Variants in SNX7 observed in about 807,000 individuals in gnomAD.
SNX7 encodes the protein sorting nexin 7.
In SNX7, 35 loss-of-function variants were observed where a neutral mutation model predicts 48.4. The observed-to-expected ratio is 0.72, with a 90% CI of 0.55 to 0.96. The LOEUF is 0.96. Among genes scored for constraint, SNX7 ranks in the 40% least tolerant of loss-of-function variants. The pLI is 0.00. For missense variants in SNX7, 553 were observed against 548.9 expected, an observed-to-expected ratio of 1.01 and a Z score of -0.07; for synonymous variants, 190 against 190.2, an observed-to-expected ratio of 1.00 and a Z score of 0.01.
At chr1:98,717,183 GATA>G (rs1041912174) in intron 7 of SNX7, among the ~76,000 whole-genome samples, 1 of 152,040 alleles carries the variant, frequency 6.6e-6, no homozygotes, top group Non-Finnish European at 1.5e-5. Flanking sequence ...ACTAATTGAT[GATA>G]ATAATAATAA....
At chr1:98,662,754 G>T (rs530436054) in intron 1 of SNX7, 1 of 1,289,390 alleles carries the variant, frequency 7.8e-7, no homozygotes, top group Admixed American at 2.3e-5. Context: ...CCTGAGTTCA[G>T]ATCACAACGC....
chr1:98,670,365 A>G (rs1190311651), intron 1 of SNX7, among the ~76,000 whole-genome samples: 1 of 152,216 alleles, frequency 6.6e-6, no homozygotes, highest in East Asian at 1.9e-4. Flanking sequence ...CAACTCTGGC[A>G]GGAAAGAAGT....
At chr1:98,702,874 T>C (rs536412760) in intron 7 of SNX7, among the ~76,000 whole-genome samples, 41 of 152,124 alleles carry the variant, frequency 2.7e-4, no homozygotes, top group Non-Finnish European at 4.9e-4. Flanking sequence ...GAATACAATA[T>C]TGAGTGCACT....
In SNX7 at chr1:98,721,642, T is replaced by C. The variant is rs925762632; in HGVS notation, c.1126-16595T>C. ...ACTAAATGAGATAATATATGAGATA[T>C]TGTTTAGTTAAGTAGTGAGTAAAAT... On this transcript the variant is annotated intron_variant, in intron 7 of 8. Transcript: ENST00000306121. Among the ~76,000 whole-genome samples, 4 of 152,052 alleles carry C rather than the reference T, an allele frequency of 2.6e-5. 1 individual carries two copies. In the South Asian group the frequency reaches 8.3e-4, roughly 32 times the overall value.
intron 8 of SNX7, among the ~76,000 whole-genome samples, chr1:98,759,390 T>C (rs1015845077): frequency 6.6e-6 from 1 of 151,900 alleles, no homozygotes. Context: ...CCAGGCAAAA[T>C]CAAATAGGCC....
At chr1:98,716,477 G>C (rs754202131) in intron 7 of SNX7, among the ~76,000 whole-genome samples, 1 of 152,176 alleles carries the variant, frequency 6.6e-6, no homozygotes, top group South Asian at 2.1e-4. Flanking sequence ...GAAGGGAAAA[G>C]AGAAAGGAAG....
chr1:98,687,838 A>G (rs540986365), intron 2 of SNX7, among the ~76,000 whole-genome samples: 123 of 152,272 alleles, frequency 8.1e-4, no homozygotes, highest in African/African-American at 2.8e-3. Context: ...CACATCTTAC[A>G]TGGAAGCAGG....
At chr1:98,735,088 A>G (rs986458131) in intron 7 of SNX7, among the ~76,000 whole-genome samples, 3 of 152,140 alleles carry the variant, frequency 2.0e-5, no homozygotes, top group East Asian at 3.9e-4. Flanking sequence ...CCAGTGGGCT[A>G]TTCTCCCCCT....
intron 8 of SNX7, among the ~76,000 whole-genome samples, chr1:98,748,079 C>T (rs558094798): frequency 3.1e-4 from 46 of 150,658 alleles, no homozygotes; most frequent in African/African-American, 1.1e-3. Context: ...CAGGTTCAAG[C>T]GATTCTCCTG....
chr1:98,689,346 GA>G (rs748884763), intron 2 of SNX7, among the ~76,000 whole-genome samples: 17 of 152,180 alleles, frequency 1.1e-4, no homozygotes, highest in Non-Finnish European at 1.9e-4. Context: ...CCCTTCAAGA[GA>G]AGAATGAAAT....
chr1:98,661,735 G>A lies in SNX7; in HGVS notation c.4G>A (p.Glu2Lys), dbSNP rs1649226897. 2 of 1,228,016 alleles carry A rather than the reference G, an allele frequency of 1.6e-6. No homozygotes were observed. Among genetic ancestry groups the A allele is most frequent in the Non-Finnish European group, 2.0e-6 (2 of 981,368 alleles). 76.1% of individuals were successfully genotyped at this position (1,228,016 alleles called of 1,614,324 possible). A position where few individuals can be genotyped will look rare whatever the true frequency, so the allele number is the denominator to read the frequency against. The change falls in exon 1 of 9, where the codon GAG (glutamate) becomes AAG (lysine). Residue 2 changes from glutamate to lysine, a missense_variant. Glu to Lys is a moderately conservative substitution (Grantham distance 56, BLOSUM62 1). Transcript: ENST00000306121. M[E>K]GERRASQAPS... ...CGGCTGGGCGCGCACTCTCGGGATGGAGGGCGAGCGCCGGGCATCGCAGGC... is the reference window on the plus strand; with the variant it reads ...CGGCTGGGCGCGCACTCTCGGGATGAAGGGCGAGCGCCGGGCATCGCAGGC...
At chr1:98,674,106 G>T (rs1274888093) in intron 1 of SNX7, among the ~76,000 whole-genome samples, 3 of 152,098 alleles carry the variant, frequency 2.0e-5, no homozygotes, top group Non-Finnish European at 4.4e-5. Context: ...AGAAATTCCT[G>T]GAGTTGACTA....
chr1:98,724,904 AAATT>A (rs1653085341), intron 7 of SNX7, among the ~76,000 whole-genome samples: 1 of 152,206 alleles, frequency 6.6e-6, no homozygotes. Context: ...GTGATTATGA[AAATT>A]AACTCCTCTA....
intron 8 of SNX7, among the ~76,000 whole-genome samples, chr1:98,752,630 A>G (rs554531784): frequency 2.4e-4 from 37 of 152,002 alleles, no homozygotes; most frequent in Non-Finnish European, 4.3e-4. Flanking sequence ...AGAAAAGTGC[A>G]GTTTTCTGAT....
In SNX7 at chr1:98,691,183, C is replaced by G; in HGVS notation, c.472C>G (p.Pro158Ala). The G allele has an allele frequency of 6.3e-7, 1 of 1,586,160 alleles. No individual in the cohort carries two copies. The highest frequency in any genetic ancestry group is 1.7e-4 in the Middle Eastern group (1 of 5,942). The change falls in exon 3 of 9, where the codon CCA (proline) becomes GCA (alanine). Residue 158 changes from proline to alanine, a missense_variant and splice_region_variant. Coordinates refer to ENST00000306121, the MANE Select transcript of SNX7 (RefSeq NM_015976.5). Reference sequence around the variant, plus strand: ...AGAAGCACACCCCACTCTGATTATTCCAGTAAGTTTGCAAAATTTTTTTTT... The same window carrying G: ...AGAAGCACACCCCACTCTGATTATTGCAGTAAGTTTGCAAAATTTTTTTTT... ...LEEAHPTLII[P>A]PLPEKFIVKG...
At position 98,683,767 on chromosome 1, in the gene SNX7, G is replaced by A. The variant is rs528734162; in HGVS notation, c.181-1118G>A. Among the ~76,000 whole-genome samples the A allele has an allele frequency of 2.0e-3, 306 of 152,216 alleles. 1 individual carries two copies. Among genetic ancestry groups the A allele is most frequent in the African/African-American group, 7.1e-3 (294 of 41,516 alleles). ...CCTGAATGGACTATGATGGGGTGGG[G>A]GTTGCACCTTCCTGCCAACGTTCTT... On this transcript the variant is annotated intron_variant, in intron 1 of 8. Transcript: ENST00000306121.
intron 7 of SNX7, among the ~76,000 whole-genome samples, chr1:98,727,503 A>G (rs1653246741): frequency 6.6e-6 from 1 of 152,166 alleles, no homozygotes; most frequent in African/African-American, 2.4e-5. Flanking sequence ...CAGCAAGGCC[A>G]CAGAACTGGG....
intron 4 of SNX7, among the ~76,000 whole-genome samples, chr1:98,694,750 G>A (rs946358237): frequency 1.3e-5 from 2 of 151,492 alleles, no homozygotes; most frequent in African/African-American, 4.9e-5. Context: ...TGGGACTACA[G>A]GCACCTGCCA....
At chr1:98,744,281 T>G (rs1050154740) in intron 8 of SNX7, among the ~76,000 whole-genome samples, 1 of 151,954 alleles carries the variant, frequency 6.6e-6, no homozygotes, top group Non-Finnish European at 1.5e-5. Flanking sequence ...GAATATGACT[T>G]GAGAGGAGTG....
Sources: allele counts gnomAD v4.1 joint callset (sites outside exome capture counted in the v4.1 genomes callset), GRCh38; gene constraint gnomAD v4.1.1; transcripts MANE v1.5; gene names NCBI Gene and HGNC (gene_info 2026-07-23, HGNC 2026-07-21).